The following ATAD5 variants were observed in gnomAD, a reference collection of about 807,000 sequenced individuals.
The protein encoded by ATAD5 is ATPase family AAA domain containing 5, also known as ATPase family AAA domain-containing protein 5.
A neutral mutation model predicts 176.9 loss-of-function variants in ATAD5; 58 were observed. The ratio of observed to expected loss-of-function variants is 0.33; its 90% CI spans 0.27 to 0.41. The LOEUF (loss-of-function observed/expected upper bound fraction) is 0.41, where lower values mean the gene tolerates loss of function less well. Among genes scored for constraint, ATAD5 ranks in the 10% least tolerant of loss-of-function variants. ATAD5 has a pLI of 1.00. For synonymous variants in ATAD5, 640 were observed against 712.6 expected, an observed-to-expected ratio of 0.90 and a Z score of 1.62; for missense variants, 1,789 against 2,094.1, an observed-to-expected ratio of 0.85 and a Z score of 2.84.
chr17:30,891,410 C>A (rs989558709), intron 19 of ATAD5, among the ~76,000 whole-genome samples: 1 of 152,164 alleles, frequency 6.6e-6, no homozygotes, highest in African/African-American at 2.4e-5. Context: ...CTCACTCAGT[C>A]GCCCAGGCCA....
intron 6 of ATAD5, among the ~76,000 whole-genome samples, chr17:30,850,858 TA>T: frequency 1.1e-4 from 4 of 37,648 alleles, no homozygotes; most frequent in South Asian, 1.6e-3. Flanking sequence ...TATATATATA[TA>T]TATATATATA....
At position 30,834,690 on chromosome 17, in the gene ATAD5, A is replaced by G; in HGVS notation, c.609A>G (p.Lys203=). 2 of 1,609,884 alleles carry G rather than the reference A, an allele frequency of 1.2e-6. No individual in the cohort carries two copies. Among genetic ancestry groups the G allele is most frequent in the Non-Finnish European group, 1.7e-6 (2 of 1,179,026 alleles). ...PKQGTTKNDF[K]KLRKRKCRDV... is the part of the protein sequence containing the mutation. ...AAGGGACCACAAAAAATGACTTCAA[A>G]AAGTTGAGAAAAAGGAAATGCAGAG... The change falls in exon 2 of 23, where the codon AAA becomes AAG. Residue 203 remains lysine (K), a synonymous_variant. Transcript: ENST00000321990.
chr17:30,884,487 G>A (rs1318633566), intron 18 of ATAD5, among the ~76,000 whole-genome samples: 2 of 134,538 alleles, frequency 1.5e-5, no homozygotes, highest in African/African-American at 5.6e-5. Context: ...GGAGTGCAGT[G>A]GCACGATCTC....
intron 14 of ATAD5, among the ~76,000 whole-genome samples, chr17:30,870,056 G>A (rs1908250197): frequency 6.6e-6 from 1 of 152,118 alleles, no homozygotes; most frequent in Admixed American, 6.6e-5. Flanking sequence ...TGAGGCTGCA[G>A]TGAGCTGTGA....
rs542397840 is a variant in ATAD5 at position 30,893,786 on chromosome 17, T to A, written c.4933T>A (p.Cys1645Ser). 1 of 1,614,122 alleles carries A rather than the reference T, an allele frequency of 6.2e-7. No homozygotes were observed. The highest frequency in any genetic ancestry group is 2.2e-5 in the East Asian group (1 of 44,874). The change falls in exon 21 of 23, where the codon TGT becomes AGT. Residue 1645 changes from cysteine to serine, a missense_variant. By Grantham distance (112) the Cys-to-Ser change is moderately radical. Transcript: ENST00000321990. ...AAAATGTTCTGCCCTTGTTTCTCAT[T>A]GTTTAAATTCTCTCTCTGAGTTCAT... ...GKKCSALVSH[C>S]LNSLSEFMDN...
At chr17:30,864,806 T>C (rs1204914201) in intron 10 of ATAD5, 1 of 152,252 alleles carries the variant, frequency 6.6e-6, no homozygotes, top group Non-Finnish European at 1.5e-5. Context: ...ACCATGTTGC[T>C]GCAAAGGATA....
intron 18 of ATAD5, among the ~76,000 whole-genome samples, chr17:30,885,623 C>CTTTTTTTTTTTTTTTTTTT (rs778733612): frequency 2.1e-5 from 2 of 93,812 alleles, no homozygotes; most frequent in East Asian, 3.3e-4. Flanking sequence ...TTCCAACTTT[C>CTTTTTTTTTTTTTTTTTTT]TTTTTTTTTT....
chr17:30,882,703 A>G (rs933139116), intron 18 of ATAD5, among the ~76,000 whole-genome samples: 1 of 152,232 alleles, frequency 6.6e-6, no homozygotes, highest in African/African-American at 2.4e-5. Flanking sequence ...GCTTTCAGCT[A>G]TATGCTAATA....
chr17:30,865,670 A>G (rs760900664), intron 10 of ATAD5, 34 bp from the exon 11 acceptor site: 9 of 1,344,140 alleles, frequency 6.7e-6, no homozygotes, highest in Non-Finnish European at 9.2e-6. Flanking sequence ...ATGTCAAGGA[A>G]TGAATACCTT....
chr17:30,840,602 C>T lies in ATAD5; in HGVS notation c.2077-15C>T. ...TTTCTTGTGATGTAAATTAATGTTT[C>T]AATTTTTTGTTTAGGCAAGCAATAC... On this transcript the variant is annotated splice_polypyrimidine_tract_variant and intron_variant, in intron 3 of 22. Coordinates refer to ENST00000321990, the MANE Select transcript of ATAD5 (RefSeq NM_024857.5). The T allele has an allele frequency of 6.9e-7, 1 of 1,444,544 alleles. No homozygotes were observed. The highest frequency in any genetic ancestry group is 9.3e-7 in the Non-Finnish European group (1 of 1,078,952). 89.5% of individuals were successfully genotyped at this position (1,444,544 alleles called of 1,614,324 possible). A position where few individuals can be genotyped will look rare whatever the true frequency, so the allele number is the denominator to read the frequency against.
chr17:30,867,901 G>A (rs1349040450), intron 11 of ATAD5, among the ~76,000 whole-genome samples: 1 of 152,152 alleles, frequency 6.6e-6, no homozygotes, highest in Non-Finnish European at 1.5e-5. Context: ...CACTGTGCCT[G>A]CCCTGCCACC....
chr17:30,842,727 T>C (rs1906204615), intron 4 of ATAD5, among the ~76,000 whole-genome samples: 1 of 152,134 alleles, frequency 6.6e-6, no homozygotes, highest in Non-Finnish European at 1.5e-5. Flanking sequence ...TTTCTGCATA[T>C]GAATACCAGG....
chr17:30,854,345 AT>A (rs746506293), intron 6 of ATAD5, among the ~76,000 whole-genome samples: 10 of 145,858 alleles, frequency 6.9e-5, no homozygotes, highest in Non-Finnish European at 1.3e-4. Context: ...AATTTATTTA[AT>A]ACATTTTATT....
rs142007308 is a variant in ATAD5, at chr17:30,890,992, G to A, written c.4259-1615G>A. On this transcript the variant is annotated intron_variant, in intron 19 of 22. Transcript: ENST00000321990. Reference sequence around the variant, plus strand: ...TTCTATAGAATAGAATGGATGTACCGTAATTTAACCGTTACTTACAGACAT... The same window carrying A: ...TTCTATAGAATAGAATGGATGTACCATAATTTAACCGTTACTTACAGACAT... Among the ~76,000 whole-genome samples the A allele has an allele frequency of 6.2e-4, 94 of 152,218 alleles. 1 individual carries two copies. Among genetic ancestry groups the A allele is most frequent in the African/African-American group, 2.1e-3 (88 of 41,522 alleles).
Position 30,834,494 on chromosome 17 carries a change from G to C in ATAD5, c.413G>C (p.Ser138Thr), listed in dbSNP as rs373741401. The change falls in exon 2 of 23, where the codon AGC becomes ACC. Residue 138 changes from serine (S) to threonine (T), a missense_variant. By Grantham distance (58) the Ser-to-Thr change is moderately conservative (BLOSUM62 1). Coordinates refer to ENST00000321990, the MANE Select transcript of ATAD5 (RefSeq NM_024857.5). ...AATGAAGCTCCAATTGAAATTAGTAGCGACGATAGCAAAGAAGACTATAGT... is the reference window on the plus strand; with the variant it reads ...AATGAAGCTCCAATTGAAATTAGTACCGACGATAGCAAAGAAGACTATAGT... ...TENEAPIEIS[S>T]DDSKEDYSLN... 10 of 1,584,928 alleles carry C rather than the reference G, an allele frequency of 6.3e-6. No homozygotes were observed. The African/African-American group carries it at 1.4e-4, about 22-fold the overall frequency.
chr17:30,847,322 A>G (rs1359102685), intron 6 of ATAD5, among the ~76,000 whole-genome samples: 1 of 150,756 alleles, frequency 6.6e-6, no homozygotes, highest in Non-Finnish European at 1.5e-5. Context: ...GCCGCTATAT[A>G]TATATAGAGA....
At chr17:30,882,432 G>GA (rs1173774602) in intron 18 of ATAD5, among the ~76,000 whole-genome samples, 2 of 150,264 alleles carry the variant, frequency 1.3e-5, no homozygotes, top group Non-Finnish European at 3.0e-5. Context: ...GATGTAAAAA[G>GA]AAAAAAAATT....
Position 30,892,625 on chromosome 17 carries a change from TACA to T in ATAD5, c.4280_4282del (p.Gln1427del), listed in dbSNP as rs1909700090. On this transcript the variant is annotated inframe_deletion, in exon 20 of 23. Coordinates refer to ENST00000321990, the MANE Select transcript of ATAD5 (RefSeq NM_024857.5). ...TTTGTAGGTGGAAATAGCAGAAATG[TACA>T]ACTAGTTTGCTCTGAACATGGCCTT... 9.0e-6 allele frequency: 14 copies of T among 1,560,798 alleles called. No homozygotes were observed. Among genetic ancestry groups the T allele is most frequent in the Non-Finnish European group, 1.2e-5 (14 of 1,160,252 alleles).
At chr17:30,844,809 C>G (rs1444481640) in intron 5 of ATAD5, 26 bp from the exon 6 acceptor site, 2 of 816,498 alleles carry the variant, frequency 2.4e-6, no homozygotes, top group Admixed American at 2.3e-5. Context: ...AACATTGATA[C>G]TAACCCAAGT....
Sources: allele counts gnomAD v4.1 joint callset (sites outside exome capture counted in the v4.1 genomes callset), GRCh38; gene constraint gnomAD v4.1.1; transcripts MANE v1.5; gene names NCBI Gene and HGNC (gene_info 2026-07-23, HGNC 2026-07-21).